DPP6: variants seen among roughly 807,000 people sequenced by gnomAD.
DPP6 encodes the protein A-type potassium channel modulatory protein DPP6.
Under a neutral mutation model 122.6 loss-of-function variants are expected in DPP6, and 69 were observed. The observed-to-expected ratio is 0.56, with a 90% CI of 0.46 to 0.69. The LOEUF (loss-of-function observed/expected upper bound fraction) is 0.69. DPP6 is among the 30% of genes least tolerant of loss of function. The probability of loss-of-function intolerance (pLI) is 0.00; values close to 1 mark genes in which losing one functional copy is unlikely to be tolerated. For missense variants in DPP6, 928 were observed against 1,116.9 expected, an observed-to-expected ratio of 0.83 and a Z score of 2.41; for synonymous variants, 418 against 433.1, an observed-to-expected ratio of 0.97 and a Z score of 0.43.
intron 1 of DPP6, among the ~76,000 whole-genome samples, chr7:154,427,619 A>C (rs1217746938): frequency 1.3e-5 from 2 of 152,224 alleles, no homozygotes; most frequent in Admixed American, 1.3e-4. Flanking sequence ...AACTGAATAG[A>C]TATAAAGCCT....
chr7:154,473,081 T>C (rs1822428095), intron 2 of DPP6, among the ~76,000 whole-genome samples: 1 of 152,236 alleles, frequency 6.6e-6, no homozygotes, highest in African/African-American at 2.4e-5. Context: ...CATTCTTGAA[T>C]AGTGAAGTTT....
intron 1 of DPP6, among the ~76,000 whole-genome samples, chr7:153,962,494 T>C (rs935867720): frequency 6.6e-6 from 1 of 152,214 alleles, no homozygotes; most frequent in African/African-American, 2.4e-5. Flanking sequence ...ATATGGTCAC[T>C]GTGTGATTTA....
At chr7:154,823,087 G>A (rs1051873693) in intron 16 of DPP6, among the ~76,000 whole-genome samples, 2 of 152,164 alleles carry the variant, frequency 1.3e-5, no homozygotes, top group African/African-American at 4.8e-5. Flanking sequence ...TAATACACAT[G>A]CCATTTTTAG....
chr7:154,135,526 A>G (rs1245089930), intron 1 of DPP6, among the ~76,000 whole-genome samples: 3 of 151,338 alleles, frequency 2.0e-5, no homozygotes, highest in Non-Finnish European at 2.9e-5. Context: ...TCCTATCTGT[A>G]AACTTCCTGT....
In DPP6 at chr7:154,484,838, G is replaced by A. The variant is rs544322854; in HGVS notation, c.457+9801G>A. Among the ~76,000 whole-genome samples the A allele has an allele frequency of 3.3e-5, 5 of 152,334 alleles. No homozygotes were observed. The East Asian group carries it at 9.6e-4, about 29-fold the overall frequency. On this transcript the variant is annotated intron_variant, in intron 3 of 25. Coordinates refer to ENST00000377770, the MANE Select transcript of DPP6 (RefSeq NM_130797.4). Reference sequence around the variant, plus strand: ...AATGGAGGAAAATATCAGCTGGCTGGTTGATACTGGAAAAGTATATGTTTC... The same window carrying A: ...AATGGAGGAAAATATCAGCTGGCTGATTGATACTGGAAAAGTATATGTTTC...
chr7:154,658,723 G>A (rs1035154102), intron 6 of DPP6, among the ~76,000 whole-genome samples: 6 of 152,224 alleles, frequency 3.9e-5, no homozygotes, highest in African/African-American at 1.4e-4. Context: ...TTTAGAGTAA[G>A]GGGGCAGTAG....
chr7:154,591,307 C>T lies in DPP6; in HGVS notation c.627+24391C>T, dbSNP rs147824940. Among the ~76,000 whole-genome samples the T allele has an allele frequency of 2.7e-3, 407 of 152,218 alleles. 1 individual carries two copies. The highest frequency in any genetic ancestry group is 9.1e-3 in the African/African-American group (380 of 41,538). On this transcript the variant is annotated intron_variant, in intron 5 of 25. Coordinates refer to ENST00000377770, the MANE Select transcript of DPP6 (RefSeq NM_130797.4). ...ATGAGCTCTTGCTAGAGATTTAAGA[C>T]GGAGTCAAATCATGGGTCTAGCCCT...
intron 1 of DPP6, among the ~76,000 whole-genome samples, chr7:154,219,366 C>T (rs1320218156): frequency 2.6e-5 from 4 of 152,160 alleles, no homozygotes; most frequent in African/African-American, 9.7e-5. Context: ...TGTTTCTTTG[C>T]CCAACAATAC....
At chr7:154,494,219 G>A (rs1414291375) in intron 3 of DPP6, among the ~76,000 whole-genome samples, 1 of 151,970 alleles carries the variant, frequency 6.6e-6, no homozygotes, top group Non-Finnish European at 1.5e-5. Context: ...AGCCAAGCCT[G>A]GTGGTGGACA....
chr7:154,483,984 C>T lies in DPP6; in HGVS notation c.457+8947C>T, dbSNP rs930419525. 2.6e-5 allele frequency among the ~76,000 whole-genome samples: 4 copies of T among 152,328 alleles called. No homozygotes were observed. In the East Asian group the frequency reaches 7.7e-4, roughly 29 times the overall value. On this transcript the variant is annotated intron_variant, in intron 3 of 25. Transcript: ENST00000377770. This position sits in a 1 kb window ranked among gnomAD's most constrained non-coding sequence, Gnocchi z 8.1. Reference sequence around the variant, plus strand: ...TTGGGATTACAGATGTGAGCCACCACGCCCGGCCCAGGTTAAATTTTATTT... The same window carrying T: ...TTGGGATTACAGATGTGAGCCACCATGCCCGGCCCAGGTTAAATTTTATTT...
At chr7:154,580,122 G>A (rs1196518967) in intron 5 of DPP6, among the ~76,000 whole-genome samples, 3 of 151,132 alleles carry the variant, frequency 2.0e-5, no homozygotes, top group Non-Finnish European at 1.5e-5. Context: ...AAGTGGGTAT[G>A]TCTGACGATC....
chr7:154,321,608 C>T (rs1807960371), intron 1 of DPP6, among the ~76,000 whole-genome samples: 1 of 151,674 alleles, frequency 6.6e-6, no homozygotes, highest in Non-Finnish European at 1.5e-5. Flanking sequence ...ATGGTGAAAC[C>T]CCGTCTCTAC....
rs1409297131 is a variant in DPP6 at position 154,298,895 on chromosome 7, C to T, written c.244-147319C>T. 2.0e-5 allele frequency among the ~76,000 whole-genome samples: 3 copies of T among 152,232 alleles called. 1 individual carries two copies. The highest frequency in any genetic ancestry group is 4.4e-5 in the Non-Finnish European group (3 of 68,046). On this transcript the variant is annotated intron_variant, in intron 1 of 25. Transcript: ENST00000377770. ...CAGATGTTCAGCCTTGCTTGTTGGG[C>T]CTGGCTCTGGTCTGCGTTCTCATCC...
intron 4 of DPP6, among the ~76,000 whole-genome samples, chr7:154,548,695 T>G (rs1472520028): frequency 4.6e-5 from 7 of 152,146 alleles, no homozygotes; most frequent in Non-Finnish European, 8.8e-5. Flanking sequence ...AGGCCCTGAC[T>G]AGACATGGTG....
At chr7:154,785,537 A>C (rs1797286082) in intron 10 of DPP6, among the ~76,000 whole-genome samples, 1 of 152,180 alleles carries the variant, frequency 6.6e-6, no homozygotes, top group Admixed American at 6.6e-5. Context: ...TGTTACATTA[A>C]CTACAGAGAG....
At chr7:153,829,457 G>T in the DPP6 span, among the ~76,000 whole-genome samples, 17 of 152,044 alleles carry the variant, frequency 1.1e-4, no homozygotes, top group African/African-American at 3.9e-4. Context: ...TTCATGATCT[G>T]CCCACGTTGG....
chr7:154,737,207 G>A lies in DPP6; in HGVS notation c.883+9320G>A, dbSNP rs76023190. Among the ~76,000 whole-genome samples the A allele has an allele frequency of 4.9e-3, 739 of 152,268 alleles. 10 individuals are homozygous for A. Among genetic ancestry groups the A allele is most frequent in the African/African-American group, 0.017 (697 of 41,542 alleles). On this transcript the variant is annotated intron_variant, in intron 8 of 25. Transcript: ENST00000377770. ...GCCAGGCCTTACACAAATAAACTTC[G>A]AGAGCGCTATGAAGAAAGCTCTAGG...
intron 8 of DPP6, among the ~76,000 whole-genome samples, chr7:154,751,270 C>T (rs1843366638): frequency 6.6e-6 from 1 of 151,872 alleles, no homozygotes; most frequent in Non-Finnish European, 1.5e-5. Flanking sequence ...CCTACTAAGC[C>T]CAAAGATGTG....
intron 1 of DPP6, among the ~76,000 whole-genome samples, chr7:154,324,661 C>T (rs1379248331): frequency 3.9e-5 from 6 of 152,118 alleles, no homozygotes; most frequent in Non-Finnish European, 7.3e-5. Flanking sequence ...TTCGTTTCAC[C>T]CAGGCAGGAA....
Sources: gnomAD v4.1 joint callset for allele counts (sites outside exome capture counted in the v4.1 genomes callset) on GRCh38, gnomAD v4.1.1 for gene constraint, Gnocchi (gnomAD v3.1) non-coding constraint, MANE v1.5 for transcripts, NCBI Gene and HGNC (gene_info 2026-07-23, HGNC 2026-07-21) for gene names.